The following CTNNA3 variants were observed in gnomAD, a reference collection of about 807,000 sequenced individuals.
CTNNA3 encodes the protein catenin alpha 3, also known as catenin alpha-3.
In CTNNA3, 76 loss-of-function variants were observed where a neutral mutation model predicts 95.7. The observed-to-expected ratio is 0.79, with a 90% CI of 0.66 to 0.96. The LOEUF is 0.96. Ranked by LOEUF, CTNNA3 falls within the 40% of genes least tolerant of loss-of-function variation. The probability of loss-of-function intolerance (pLI) is 0.00; values close to 1 mark genes in which losing one functional copy is unlikely to be tolerated. For missense variants in CTNNA3, 1,191 were observed against 1,089.8 expected, an observed-to-expected ratio of 1.09 and a Z score of -1.31; for synonymous variants, 431 against 374.4, an observed-to-expected ratio of 1.15 and a Z score of -1.74.
In CTNNA3 at chr10:67,426,497, T is replaced by A. The variant is rs189928935; in HGVS notation, c.579+95345A>T. On this transcript the variant is annotated intron_variant, in intron 5 of 17. Transcript: ENST00000433211. ...AAAGTTGGTAAAGGATGAGTTCATGTCCTTTGCAGGGACATGGATGAAGCT... is the reference window on the plus strand; with the variant it reads ...AAAGTTGGTAAAGGATGAGTTCATGACCTTTGCAGGGACATGGATGAAGCT... Among the ~76,000 whole-genome samples the A allele has an allele frequency of 3.0e-4, 46 of 152,254 alleles. No individual in the cohort carries two copies. The East Asian group carries it at 8.3e-3, about 28-fold the overall frequency.
At chr10:67,259,447 G>A (rs1407172814) in intron 5 of CTNNA3, among the ~76,000 whole-genome samples, 1 of 152,020 alleles carries the variant, frequency 6.6e-6, no homozygotes, top group Non-Finnish European at 1.5e-5. Flanking sequence ...CATTAAAAGA[G>A]CTGAATACAA....
intron 5 of CTNNA3, among the ~76,000 whole-genome samples, chr10:67,499,168 C>T (rs147808151): frequency 6.6e-6 from 1 of 152,070 alleles, no homozygotes; most frequent in Non-Finnish European, 1.5e-5. Context: ...TTGTTGAAGG[C>T]CTTTTCTGCA....
chr10:67,315,894 A>G (rs755625237), intron 5 of CTNNA3, among the ~76,000 whole-genome samples: 46 of 152,298 alleles, frequency 3.0e-4, no homozygotes, highest in Non-Finnish European at 5.4e-4. Flanking sequence ...AAGCCTCTAC[A>G]TAACTTTCAA....
At chr10:66,175,207 C>T (rs2085646216) in intron 13 of CTNNA3, among the ~76,000 whole-genome samples, 1 of 151,940 alleles carries the variant, frequency 6.6e-6, no homozygotes, top group Non-Finnish European at 1.5e-5. Context: ...CAACCCTCAG[C>T]TAAAGCCATG....
intron 5 of CTNNA3, among the ~76,000 whole-genome samples, chr10:67,265,058 T>C (rs1484883835): frequency 1.3e-5 from 2 of 152,200 alleles, no homozygotes; most frequent in East Asian, 1.9e-4. Flanking sequence ...TTGAAAGCTC[T>C]CTAAGTTGTG....
intron 3 of CTNNA3, among the ~76,000 whole-genome samples, chr10:67,564,245 A>G (rs989342831): frequency 1.3e-5 from 2 of 149,510 alleles, no homozygotes; most frequent in African/African-American, 5.0e-5. Context: ...AACCAACCCA[A>G]ATGTCCAACA....
intron 10 of CTNNA3, among the ~76,000 whole-genome samples, chr10:66,541,078 C>A (rs996075238): frequency 3.9e-5 from 6 of 151,974 alleles, no homozygotes; most frequent in Non-Finnish European, 8.8e-5. Flanking sequence ...TAATAATAAT[C>A]AACTATTTTA....
At chr10:66,197,266 T>G (rs2087020600) in intron 13 of CTNNA3, among the ~76,000 whole-genome samples, 1 of 152,216 alleles carries the variant, frequency 6.6e-6, no homozygotes, top group Non-Finnish European at 1.5e-5. Context: ...TGAGTTATAC[T>G]CAACCCATAG....
intron 1 of CTNNA3, among the ~76,000 whole-genome samples, chr10:67,684,903 T>C (rs1840700913): frequency 6.6e-6 from 1 of 152,200 alleles, no homozygotes; most frequent in Non-Finnish European, 1.5e-5. Context: ...AAAGGTGTTG[T>C]CTGATTTCAG....
intron 13 of CTNNA3, among the ~76,000 whole-genome samples, chr10:66,212,934 C>G (rs563584427): frequency 6.6e-6 from 1 of 152,088 alleles, no homozygotes; most frequent in South Asian, 2.1e-4. Flanking sequence ...ACCTGGGAGG[C>G]AGAGGTTGGA....
At chr10:65,965,492 C>T (rs1335504919) in intron 17 of CTNNA3, among the ~76,000 whole-genome samples, 1 of 148,808 alleles carries the variant, frequency 6.7e-6, no homozygotes, top group African/African-American at 2.5e-5. Context: ...GAAACTTCCA[C>T]CTCCTGGGTT....
At chr10:67,665,630 T>C (rs1840315562) in intron 1 of CTNNA3, 1 of 152,200 alleles carries the variant, frequency 6.6e-6, no homozygotes, top group African/African-American at 2.4e-5. Flanking sequence ...GCCACTATCA[T>C]GGCTCACAAT....
intron 9 of CTNNA3, among the ~76,000 whole-genome samples, chr10:66,698,504 G>C (rs1372130408): frequency 6.6e-6 from 1 of 152,186 alleles, no homozygotes; most frequent in Non-Finnish European, 1.5e-5. Flanking sequence ...ATGTTAAGTG[G>C]TATTTCATAT....
At chr10:67,643,110 G>A (rs1727955828) in intron 2 of CTNNA3, among the ~76,000 whole-genome samples, 1 of 152,174 alleles carries the variant, frequency 6.6e-6, no homozygotes, top group South Asian at 2.1e-4. Context: ...AGAAAATGTG[G>A]TACATATATA....
At chr10:66,579,015 C>A (rs1371232059) in intron 10 of CTNNA3, among the ~76,000 whole-genome samples, 1 of 144,778 alleles carries the variant, frequency 6.9e-6, no homozygotes, top group Non-Finnish European at 1.5e-5. Context: ...GATTCAATTT[C>A]AGAACTGATT....
chr10:66,334,543 T>G (rs372672735), intron 12 of CTNNA3, among the ~76,000 whole-genome samples: 17 of 152,178 alleles, frequency 1.1e-4, no homozygotes, highest in African/African-American at 2.9e-4. Flanking sequence ...TTTTCTTTAA[T>G]AATGTTGAAT....
chr10:67,278,850 T>A (rs1342977527), intron 5 of CTNNA3, among the ~76,000 whole-genome samples: 2 of 152,162 alleles, frequency 1.3e-5, no homozygotes, highest in Non-Finnish European at 2.9e-5. Flanking sequence ...GATTGGAAAG[T>A]AAGCCACGAT....
At chr10:67,568,450 T>C (rs1361591863) in intron 3 of CTNNA3, among the ~76,000 whole-genome samples, 1 of 139,266 alleles carries the variant, frequency 7.2e-6, no homozygotes, top group African/African-American at 3.0e-5. Context: ...TCCCTGATTG[T>C]TCCAGTATAT....
intron 7 of CTNNA3, among the ~76,000 whole-genome samples, chr10:67,060,836 T>G (rs1925593): frequency 0.12 from 18,098 of 152,082 alleles, 1,259 homozygotes; most frequent in African/African-American, 0.2. Flanking sequence ...ATATATGACA[T>G]GAAAAAGAAA....
Sources: allele counts gnomAD v4.1 joint callset (sites outside exome capture counted in the v4.1 genomes callset), GRCh38; gene constraint gnomAD v4.1.1; transcripts MANE v1.5; gene names NCBI Gene and HGNC (gene_info 2026-07-23, HGNC 2026-07-21).